Variants in DNAJC16 observed in about 807,000 individuals in gnomAD.
DNAJC16 encodes the protein dnaJ homolog subfamily C member 16.
DNAJC16 carries 76 observed loss-of-function variants against 92.7 expected under a neutral mutation model. The observed-to-expected ratio is 0.82, with a 90% CI of 0.68 to 0.99. The LOEUF (loss-of-function observed/expected upper bound fraction) is 0.99, where lower values mean the gene tolerates loss of function less well. Among genes scored for constraint, DNAJC16 ranks in the 50% least tolerant of loss-of-function variants. DNAJC16 has a pLI of 0.00. For synonymous variants in DNAJC16, 328 were observed against 358.7 expected (o/e 0.91, Z 0.97); for missense variants, 869 against 942.4 (o/e 0.92, Z 1.02).
chr1:15,568,850 G>T lies in DNAJC16; in HGVS notation c.*673G>T. ...AAAAGGAAAGGGAGGCTGAGCAGTG[G>T]CTGAAGCGATGCAGCCTTGAGACAC... On this transcript the variant is annotated 3_prime_UTR_variant, in exon 15 of 15. Coordinates refer to ENST00000375847, the MANE Select transcript of DNAJC16 (RefSeq NM_015291.4). 1 of 397,270 alleles carries T rather than the reference G, an allele frequency of 2.5e-6. No homozygotes were observed. 24.6% of individuals were successfully genotyped at this position (397,270 alleles called of 1,614,324 possible).
At chr1:15,555,668 T>G (rs1213616406) in intron 7 of DNAJC16, among the ~76,000 whole-genome samples, 7 of 118,726 alleles carry the variant, frequency 5.9e-5, no homozygotes, top group Admixed American at 1.0e-4. Flanking sequence ...GGCGACAGAG[T>G]GAGACTCCGT....
At chr1:15,552,222 T>C (rs1207179228) in intron 7 of DNAJC16, among the ~76,000 whole-genome samples, 1 of 151,404 alleles carries the variant, frequency 6.6e-6, no homozygotes, top group East Asian at 2.0e-4. Flanking sequence ...GCGTGGTGAC[T>C]CAAGCCTGTA....
At chr1:15,535,311 A>G (rs1292664254) in intron 3 of DNAJC16, among the ~76,000 whole-genome samples, 2 of 152,348 alleles carry the variant, frequency 1.3e-5, no homozygotes, top group South Asian at 4.1e-4. Context: ...GTTTTGCTGA[A>G]GTGTTTAATG....
At chr1:15,547,444 CTT>C (rs761443115) in intron 6 of DNAJC16, among the ~76,000 whole-genome samples, 3 of 135,886 alleles carry the variant, frequency 2.2e-5, no homozygotes, top group African/African-American at 5.4e-5. Context: ...CTGTGATGGG[CTT>C]TTTTTTTTTT....
intron 14 of DNAJC16, 140 bp downstream of exon 14, chr1:15,567,409 A>G: frequency 3.4e-6 from 3 of 872,098 alleles, no homozygotes; most frequent in Non-Finnish European, 5.2e-6. Context: ...TCCAATCCAG[A>G]CATCTGAGCC....
chr1:15,530,942 C>T (rs1221255988), intron 2 of DNAJC16, among the ~76,000 whole-genome samples: 1 of 152,210 alleles, frequency 6.6e-6, no homozygotes, highest in Non-Finnish European at 1.5e-5. Context: ...TCCACCTCGG[C>T]CTCCCAAAGT....
intron 9 of DNAJC16, among the ~76,000 whole-genome samples, 180 bp from the exon 10 acceptor site, chr1:15,563,749 C>T (rs1189502205): frequency 6.7e-6 from 1 of 148,406 alleles, no homozygotes; most frequent in Non-Finnish European, 1.5e-5. Flanking sequence ...CTTGGGAAGG[C>T]TGAGCCAGGA....
chr1:15,536,768 T>C lies in DNAJC16; in HGVS notation c.528T>C (p.His176=), dbSNP rs768685930. The change falls in exon 4 of 15, where the codon CAT becomes CAC. Residue 176 remains histidine, a synonymous_variant. Coordinates refer to ENST00000375847, the MANE Select transcript of DNAJC16 (RefSeq NM_015291.4). ...CCGATTGGTGCTTTAGCTGCATTCA[T>C]ATCGAGCCTGTGTGGAAAGAAGTCA... ...ITSDWCFSCI[H]IEPVWKEVIQ... is the part of the protein sequence containing the mutation. 1.2e-6 allele frequency: 2 copies of C among 1,612,670 alleles called. No individual in the cohort carries two copies.
At chr1:15,546,107 C>T (rs1638296591) in intron 5 of DNAJC16, among the ~76,000 whole-genome samples, 1 of 152,028 alleles carries the variant, frequency 6.6e-6, no homozygotes, top group African/African-American at 2.4e-5. Context: ...AAGTTCAAGA[C>T]CAGCCTGGGC....
chr1:15,553,376 G>T (rs1638492457), intron 7 of DNAJC16, among the ~76,000 whole-genome samples: 1 of 151,694 alleles, frequency 6.6e-6, no homozygotes, highest in Middle Eastern at 3.4e-3. Context: ...CTGGGATGTA[G>T]GCACACTCCA....
chr1:15,546,422 T>C (rs889096579), intron 5 of DNAJC16, among the ~76,000 whole-genome samples: 1 of 152,274 alleles, frequency 6.6e-6, no homozygotes, highest in African/African-American at 2.4e-5. Flanking sequence ...TAGATAGATA[T>C]TGAAAGGGGC....
At chr1:15,565,615 G>A (rs1171365033) in intron 11 of DNAJC16, 2 of 294,616 alleles carry the variant, frequency 6.8e-6, no homozygotes, top group Non-Finnish European at 1.2e-5. Flanking sequence ...ATTCTTCCAT[G>A]TTTACACCTT....
chr1:15,559,785 C>T (rs1338782014), intron 8 of DNAJC16, 129 bp downstream of exon 8: 10 of 1,331,464 alleles, frequency 7.5e-6, no homozygotes, highest in Middle Eastern at 2.0e-4. Flanking sequence ...AATACTGGGC[C>T]GGGCATGGTG....
intron 3 of DNAJC16, 32 bp from the exon 4 acceptor site, chr1:15,536,440 TTTG>T (rs775976961): frequency 1.5e-5 from 23 of 1,509,902 alleles, no homozygotes; most frequent in Non-Finnish European, 1.8e-5. Flanking sequence ...GGATGAACCT[TTTG>T]TTGTTGTTTA....
chr1:15,567,661 G>A, intron 14 of DNAJC16, 117 bp from the exon 15 acceptor site: 1 of 1,144,718 alleles, frequency 8.7e-7, no homozygotes. Flanking sequence ...CTGTGTTCAG[G>A]CCCCATCCAA....
chr1:15,536,770 T>C lies in DNAJC16; in HGVS notation c.530T>C (p.Ile177Thr). ...GATTGGTGCTTTAGCTGCATTCATA[T>C]CGAGCCTGTGTGGAAAGAAGTCATT... is the stretch of plus-strand genomic sequence containing the variant. ...TSDWCFSCIH[I>T]EPVWKEVIQE... The change falls in exon 4 of 15, where the codon ATC becomes ACC. Residue 177 changes from isoleucine (I) to threonine (T), a missense_variant. By Grantham distance (89) the Ile-to-Thr change is moderately conservative. Coordinates refer to ENST00000375847, the MANE Select transcript of DNAJC16 (RefSeq NM_015291.4). The C allele has an allele frequency of 6.2e-7, 1 of 1,612,686 alleles. No homozygotes were observed. Among genetic ancestry groups the C allele is most frequent in the Non-Finnish European group, 8.5e-7 (1 of 1,179,570 alleles).
chr1:15,563,786 C>G (rs1638745649), intron 9 of DNAJC16, 143 bp from the exon 10 acceptor site: 2 of 734,832 alleles, frequency 2.7e-6, no homozygotes, highest in Admixed American at 2.9e-5. Context: ...GGAGGCGGAG[C>G]TTGCAGTGAG....
chr1:15,528,151 T>A (rs1049468869), intron 1 of DNAJC16, among the ~76,000 whole-genome samples: 1 of 152,210 alleles, frequency 6.6e-6, no homozygotes, highest in Non-Finnish European at 1.5e-5. Context: ...ATGACCATAT[T>A]GGCCGGCGCG....
chr1:15,536,143 G>A (rs1218146697), intron 3 of DNAJC16, among the ~76,000 whole-genome samples: 8 of 137,620 alleles, frequency 5.8e-5, no homozygotes, highest in African/African-American at 8.3e-5. Context: ...GCACCATCTC[G>A]GCTCACCTCA....
Sources: gnomAD v4.1 joint callset for allele counts (sites outside exome capture counted in the v4.1 genomes callset) on GRCh38, gnomAD v4.1.1 for gene constraint, MANE v1.5 for transcripts, NCBI Gene and HGNC (gene_info 2026-07-23, HGNC 2026-07-21) for gene names.